MBD2: variants seen among roughly 807,000 people sequenced by gnomAD.
MBD2 encodes methyl-CpG-binding domain protein 2.
Under a neutral mutation model 39.3 loss-of-function variants are expected in MBD2, and 9 were observed. The ratio of observed to expected loss-of-function variants is 0.23; its 90% CI spans 0.14 to 0.40. The LOEUF is 0.40. Ranked by LOEUF, MBD2 falls within the 10% of genes least tolerant of loss-of-function variation. The pLI is 1.00. For synonymous variants in MBD2, 233 were observed against 211.1 expected, an observed-to-expected ratio of 1.10 and a Z score of -0.90; for missense variants, 458 against 532.6, an observed-to-expected ratio of 0.86 and a Z score of 1.38.
At chr18:54,193,900 A>G (rs1423567388) in intron 2 of MBD2, among the ~76,000 whole-genome samples, 1 of 152,312 alleles carries the variant, frequency 6.6e-6, no homozygotes, top group Middle Eastern at 3.4e-3. Context: ...CAGATTTCAA[A>G]TGCTCTTTCT....
intron 1 of MBD2, 95 bp downstream of exon 1, chr18:54,223,923 C>T (rs1460882707): frequency 9.3e-7 from 1 of 1,080,814 alleles, no homozygotes. Flanking sequence ...GCCACATGCC[C>T]CCCGGGCCCC....
At chr18:54,159,655 C>G (rs1371049145) in intron 6 of MBD2, 110 bp downstream of exon 6, 3 of 1,216,934 alleles carry the variant, frequency 2.5e-6, no homozygotes, top group African/African-American at 1.5e-5. Flanking sequence ...CTGAGCTCAA[C>G]TGATCGCCCG....
intron 3 of MBD2, among the ~76,000 whole-genome samples, chr18:54,168,582 T>TCC (rs2086154065): frequency 1.3e-4 from 8 of 60,548 alleles, no homozygotes; most frequent in African/African-American, 6.7e-4. Context: ...CATATATATA[T>TCC]ATATATATAT....
chr18:54,202,946 A>C, intron 2 of MBD2: 1 of 989,552 alleles, frequency 1.0e-6, no homozygotes, highest in Non-Finnish European at 1.6e-6. Context: ...CAGGCTTCCC[A>C]GAGATGGAGA....
At chr18:54,171,955 AT>A (rs2086182252) in intron 3 of MBD2, among the ~76,000 whole-genome samples, 1 of 152,244 alleles carries the variant, frequency 6.6e-6, no homozygotes, top group South Asian at 2.1e-4. Flanking sequence ...CTGAAAGAGC[AT>A]TTACATGTTT....
At chr18:54,171,517 G>A (rs1402921936) in intron 3 of MBD2, among the ~76,000 whole-genome samples, 3 of 152,070 alleles carry the variant, frequency 2.0e-5, no homozygotes, top group Admixed American at 6.5e-5. Context: ...CAGACAACAA[G>A]AGGAAGACAT....
intron 5 of MBD2, among the ~76,000 whole-genome samples, chr18:54,163,705 G>A (rs2144280691): frequency 6.6e-6 from 1 of 152,102 alleles, no homozygotes; most frequent in South Asian, 2.1e-4. Flanking sequence ...CTCATTCCTG[G>A]CTCTGTTTTA....
chr18:54,210,391 G>A (rs978836983), intron 1 of MBD2, among the ~76,000 whole-genome samples: 4 of 152,134 alleles, frequency 2.6e-5, no homozygotes, highest in African/African-American at 9.7e-5. Flanking sequence ...GAACTTACCT[G>A]TAATTACCAT....
At chr18:54,189,396 G>A (rs2086305032) in intron 2 of MBD2, among the ~76,000 whole-genome samples, 1 of 150,396 alleles carries the variant, frequency 6.6e-6, no homozygotes, top group Admixed American at 6.6e-5. Context: ...CTAATTTTGT[G>A]TATTTTCAGT....
intron 1 of MBD2, among the ~76,000 whole-genome samples, chr18:54,218,292 T>G (rs970092731): frequency 2.0e-5 from 3 of 152,180 alleles, no homozygotes; most frequent in South Asian, 4.1e-4. Flanking sequence ...TTATTACATT[T>G]TTTTCCCCTC....
At chr18:54,167,249 C>A (rs1351561420) in intron 3 of MBD2, among the ~76,000 whole-genome samples, 6 of 152,172 alleles carry the variant, frequency 3.9e-5, no homozygotes, top group Non-Finnish European at 7.3e-5. Context: ...GGGGGACACA[C>A]AAACCCATAC....
chr18:54,160,510 C>G (rs576465219), intron 5 of MBD2, among the ~76,000 whole-genome samples: 2 of 151,578 alleles, frequency 1.3e-5, no homozygotes, highest in Non-Finnish European at 2.9e-5. Context: ...TACTTAAGAA[C>G]ATGCCATGAG....
intron 1 of MBD2, among the ~76,000 whole-genome samples, chr18:54,206,459 A>G (rs2086450575): frequency 6.6e-6 from 1 of 152,258 alleles, no homozygotes; most frequent in South Asian, 2.1e-4. Flanking sequence ...CACATTTAGA[A>G]CTTAACCTTG....
intron 3 of MBD2, among the ~76,000 whole-genome samples, chr18:54,173,644 C>T (rs2086192891): frequency 6.6e-6 from 1 of 152,186 alleles, no homozygotes; most frequent in African/African-American, 2.4e-5. Context: ...GGGAACCTTT[C>T]CTTAACTCCT....
intron 4 of MBD2, 67 bp downstream of exon 4, chr18:54,166,009 T>G: frequency 9.3e-7 from 1 of 1,079,984 alleles, no homozygotes; most frequent in Non-Finnish European, 1.4e-6. Context: ...ATCCACAGCA[T>G]CTAACAGAGT....
rs2086037991 is a variant in MBD2 at position 54,154,163 on chromosome 18, A to G, written c.*1161T>C. 1 of 152,204 alleles carries G rather than the reference A, an allele frequency of 6.6e-6. No individual in the cohort carries two copies. Among genetic ancestry groups the G allele is most frequent in the South Asian group, 2.1e-4 (1 of 4,830 alleles). 9.4% of individuals were successfully genotyped at this position (152,204 alleles called of 1,614,324 possible). On this transcript the variant is annotated 3_prime_UTR_variant, in exon 7 of 7. Coordinates refer to ENST00000256429, the MANE Select transcript of MBD2 (RefSeq NM_003927.5). Reference sequence around the variant, plus strand: ...TCAAAATTTGTTTTCATTTGCTTATAACCACTCCCTCCCTTCCTTGGTATC... The same window carrying G: ...TCAAAATTTGTTTTCATTTGCTTATGACCACTCCCTCCCTTCCTTGGTATC...
intron 3 of MBD2, among the ~76,000 whole-genome samples, chr18:54,166,825 C>T (rs955395565): frequency 6.6e-6 from 1 of 152,196 alleles, no homozygotes; most frequent in Non-Finnish European, 1.5e-5. Context: ...TGAGTGGCTC[C>T]TCGTGCCCTA....
At chr18:54,197,723 G>A (rs188728219) in intron 2 of MBD2, among the ~76,000 whole-genome samples, 40 of 152,062 alleles carry the variant, frequency 2.6e-4, no homozygotes, top group African/African-American at 8.2e-4. Flanking sequence ...CTATCTCCAC[G>A]GGCACGCGTC....
Position 54,224,648 on chromosome 18 carries a change from GGGGGA to G in MBD2, c.-94_-90del. 1 of 979,754 alleles carries G rather than the reference GGGGGA, an allele frequency of 1.0e-6. No individual in the cohort carries two copies. The highest frequency in any genetic ancestry group is 1.3e-6 in the Non-Finnish European group (1 of 758,090). The allele number at this position is 979,754 out of a possible 1,614,324, so 60.7% of individuals were successfully genotyped here. Reference sequence around the variant, plus strand: ...CCGCCCCGCCCGCAGCGCGGCGCGCGGGGGACGCGCGCAAGCATCATAGAGCGGGC... The same window carrying G: ...CCGCCCCGCCCGCAGCGCGGCGCGCGCGCGCGCAAGCATCATAGAGCGGGC... On this transcript the variant is annotated 5_prime_UTR_variant, in exon 1 of 7. Coordinates refer to ENST00000256429, the MANE Select transcript of MBD2 (RefSeq NM_003927.5).
Sources: allele counts gnomAD v4.1 joint callset (sites outside exome capture counted in the v4.1 genomes callset), GRCh38; gene constraint gnomAD v4.1.1; transcripts MANE v1.5; gene names NCBI Gene and HGNC (gene_info 2026-07-23, HGNC 2026-07-21).